Variants in MDGA2 observed in about 807,000 individuals in gnomAD.
MDGA2 encodes MAM domain-containing glycosylphosphatidylinositol anchor protein 2.
MDGA2 carries 40 observed loss-of-function variants against 117.8 expected under a neutral mutation model. The ratio of observed to expected loss-of-function variants is 0.34; its 90% confidence interval spans 0.26 to 0.44. The LOEUF (loss-of-function observed/expected upper bound fraction) is 0.44, where lower values mean the gene tolerates loss of function less well. Ranked by LOEUF, MDGA2 falls within the 20% of genes least tolerant of loss-of-function variation. The pLI, the probability that MDGA2 is intolerant of heterozygous loss-of-function variation, is 1.00. For synonymous variants in MDGA2, 452 were observed against 439.0 expected, an observed-to-expected ratio of 1.03 and a Z score of -0.37; for missense variants, 1,123 against 1,250.6, an observed-to-expected ratio of 0.90 and a Z score of 1.54.
intron 1 of MDGA2, among the ~76,000 whole-genome samples, chr14:47,385,354 TA>T (rs1445436224): frequency 6.6e-6 from 1 of 151,896 alleles, no homozygotes; most frequent in Non-Finnish European, 1.5e-5. Context: ...ATTATTTTAG[TA>T]AAAATTGAAA....
chr14:47,614,222 T>A (rs1016622181), intron 1 of MDGA2, among the ~76,000 whole-genome samples: 2 of 151,332 alleles, frequency 1.3e-5, no homozygotes, highest in African/African-American at 4.9e-5. Context: ...CCCGAGTAGC[T>A]TGGGTTACAG....
intron 5 of MDGA2, among the ~76,000 whole-genome samples, chr14:47,120,348 C>T (rs1370701814): frequency 6.6e-6 from 1 of 152,120 alleles, no homozygotes; most frequent in Non-Finnish European, 1.5e-5. Flanking sequence ...AAAACCAATA[C>T]TGCTGACTAA....
intron 1 of MDGA2, among the ~76,000 whole-genome samples, chr14:47,591,564 C>T (rs183815357): frequency 1.7e-3 from 266 of 152,174 alleles, no homozygotes; most frequent in African/African-American, 5.7e-3. Flanking sequence ...ACTGGCAAAC[C>T]GAATCCAGCA....
chr14:47,518,269 A>G (rs573593258), intron 1 of MDGA2, among the ~76,000 whole-genome samples: 5 of 152,336 alleles, frequency 3.3e-5, no homozygotes, highest in African/African-American at 9.6e-5. Context: ...ACCAGGCTTC[A>G]CAGATACTGC....
intron 1 of MDGA2, among the ~76,000 whole-genome samples, chr14:47,318,453 C>T (rs1889875388): frequency 6.6e-6 from 1 of 152,092 alleles, no homozygotes; most frequent in African/African-American, 2.4e-5. Context: ...TCCTCATGGA[C>T]ACATTCCTTG....
At chr14:47,653,580 G>T (rs1300595833) in intron 1 of MDGA2, among the ~76,000 whole-genome samples, 1 of 152,096 alleles carries the variant, frequency 6.6e-6, no homozygotes, top group African/African-American at 2.4e-5. Context: ...GCCAAAAGAA[G>T]TTCACATCCT....
At chr14:46,933,800 ATATATATAT>A in intron 9 of MDGA2, among the ~76,000 whole-genome samples, 1 of 3,380 alleles carries the variant, frequency 3.0e-4, no homozygotes. Flanking sequence ...TATGTAACAA[ATATATATAT>A]ATATATATAT....
At chr14:47,603,054 C>A (rs978303415) in intron 1 of MDGA2, among the ~76,000 whole-genome samples, 1 of 152,140 alleles carries the variant, frequency 6.6e-6, no homozygotes, top group African/African-American at 2.4e-5. Flanking sequence ...CTTCTTCTTA[C>A]AAGTTCATCT....
chr14:47,034,697 C>T (rs555895126), intron 8 of MDGA2, among the ~76,000 whole-genome samples: 1 of 150,970 alleles, frequency 6.6e-6, no homozygotes, highest in Non-Finnish European at 1.5e-5. Flanking sequence ...CAGTTTCTCA[C>T]CATCAACCAG....
At chr14:47,128,219 T>C (rs1030222586) in intron 5 of MDGA2, among the ~76,000 whole-genome samples, 5 of 145,818 alleles carry the variant, frequency 3.4e-5, no homozygotes, top group Admixed American at 2.7e-4. Flanking sequence ...CAGTTCATTA[T>C]GTGTCAGATG....
chr14:46,943,364 C>A (rs1885064281), intron 9 of MDGA2, among the ~76,000 whole-genome samples: 1 of 151,892 alleles, frequency 6.6e-6, no homozygotes. Flanking sequence ...TTTCTGACAG[C>A]TAATTGGAAT....
At chr14:47,543,703 T>G (rs866814739) in intron 1 of MDGA2, among the ~76,000 whole-genome samples, 1 of 152,198 alleles carries the variant, frequency 6.6e-6, no homozygotes, top group Admixed American at 6.5e-5. Context: ...ATAAATCATC[T>G]AATCTAGTCA....
chr14:47,273,021 C>G (rs981038008), intron 2 of MDGA2, among the ~76,000 whole-genome samples: 15 of 152,164 alleles, frequency 9.9e-5, no homozygotes, highest in African/African-American at 3.6e-4. Context: ...TTGGAGGTAT[C>G]CCAGGGGATG....
At chr14:47,394,253 T>C (rs1434281031) in intron 1 of MDGA2, among the ~76,000 whole-genome samples, 13 of 152,112 alleles carry the variant, frequency 8.5e-5, no homozygotes, top group Non-Finnish European at 1.5e-5. Flanking sequence ...CTTAAAAAAA[T>C]AAAAGAACTA....
At chr14:47,544,096 A>G (rs1895407811) in intron 1 of MDGA2, among the ~76,000 whole-genome samples, 1 of 152,206 alleles carries the variant, frequency 6.6e-6, no homozygotes, top group Non-Finnish European at 1.5e-5. Context: ...AGAATTAAAG[A>G]TAATGTCCAC....
At chr14:47,649,460 C>A (rs1897596162) in intron 1 of MDGA2, among the ~76,000 whole-genome samples, 1 of 152,050 alleles carries the variant, frequency 6.6e-6, no homozygotes, top group Non-Finnish European at 1.5e-5. Flanking sequence ...CAAATCATTT[C>A]ACAAATTTAT....
intron 4 of MDGA2, among the ~76,000 whole-genome samples, chr14:47,133,791 A>C (rs574758443): frequency 6.6e-6 from 1 of 152,084 alleles, no homozygotes; most frequent in Non-Finnish European, 1.5e-5. Flanking sequence ...TACATTCAGT[A>C]TCTCTGTCTC....
chr14:47,606,892 G>A lies in MDGA2; in HGVS notation c.280+67625C>T, dbSNP rs938967549. 3.9e-5 allele frequency among the ~76,000 whole-genome samples: 6 copies of A among 152,010 alleles called. No homozygotes were observed. In the East Asian group the frequency reaches 1.2e-3, roughly 29 times the overall value. ...TGCCATTTTATTAGCAGCTTAATGA[G>A]TAATACAAAAAATGTCCTGTATAGG... On this transcript the variant is annotated intron_variant, in intron 1 of 16. Coordinates refer to ENST00000399232, the MANE Select transcript of MDGA2 (RefSeq NM_001113498.3).
At chr14:47,148,464 C>T (rs547389034) in intron 3 of MDGA2, among the ~76,000 whole-genome samples, 2 of 152,226 alleles carry the variant, frequency 1.3e-5, no homozygotes, top group South Asian at 2.1e-4. Context: ...GACTCAATTG[C>T]CCTCTCTAAA....
Sources: allele counts gnomAD v4.1 joint callset (sites outside exome capture counted in the v4.1 genomes callset), GRCh38; gene constraint gnomAD v4.1.1; transcripts MANE v1.5; gene names NCBI Gene and HGNC (gene_info 2026-07-23, HGNC 2026-07-21).